DAB1: variants seen among roughly 807,000 people sequenced by gnomAD.
DAB1 encodes disabled homolog 1.
In DAB1, 15 loss-of-function variants were observed where a neutral mutation model predicts 64.6. The ratio of observed to expected loss-of-function variants is 0.23; its 90% CI spans 0.16 to 0.36. DAB1 has a LOEUF of 0.36. Among genes scored for constraint, DAB1 ranks in the 10% least tolerant of loss-of-function variants. DAB1 has a pLI of 1.00. For missense variants in DAB1, 596 were observed against 706.7 expected (o/e 0.84, Z 1.78); for synonymous variants, 235 against 251.9 (o/e 0.93, Z 0.64).
intron 9 of DAB1, among the ~76,000 whole-genome samples, chr1:57,044,557 A>T (rs1426234669): frequency 6.6e-6 from 1 of 152,190 alleles, no homozygotes; most frequent in Non-Finnish European, 1.5e-5. Context: ...GGTGCTGGAC[A>T]CCTTATCTCT....
At chr1:58,145,576 T>C (rs772312061) in intron 5 of DAB1, among the ~76,000 whole-genome samples, 15 of 152,246 alleles carry the variant, frequency 9.9e-5, no homozygotes, top group Non-Finnish European at 1.8e-4. Flanking sequence ...AATACTACAA[T>C]TATTGAAATC....
In DAB1 at chr1:57,005,433, G is replaced by A. The variant is rs548778514; in HGVS notation, c.*15+5247C>T. Among the ~76,000 whole-genome samples the A allele has an allele frequency of 1.6e-4, 25 of 152,288 alleles. No homozygotes were observed. In the South Asian group the frequency reaches 4.4e-3, roughly 27 times the overall value. ...CTCTGGGGATCCTAATGAAGTCAGC[G>A]TATTTTAGGGATTTCTGTCTTCTCC... is the stretch of plus-strand genomic sequence containing the variant. On this transcript the variant is annotated intron_variant, in intron 14 of 14. Coordinates refer to ENST00000371236, the MANE Select transcript of DAB1 (RefSeq NM_001365792.1).
intron 5 of DAB1, among the ~76,000 whole-genome samples, chr1:58,115,882 A>T (rs1652294721): frequency 7.6e-6 from 1 of 132,326 alleles, no homozygotes; most frequent in South Asian, 2.7e-4. Context: ...AGATATACCT[A>T]ATGCTAGATG....
chr1:57,763,375 T>A (rs1046008609), intron 6 of DAB1, among the ~76,000 whole-genome samples: 6 of 152,160 alleles, frequency 3.9e-5, no homozygotes, highest in Non-Finnish European at 8.8e-5. Context: ...GTTCTTGAAG[T>A]ATATTTTAAA....
At chr1:57,618,444 G>A (rs962372559) in intron 7 of DAB1, among the ~76,000 whole-genome samples, 19 of 150,394 alleles carry the variant, frequency 1.3e-4, no homozygotes, top group African/African-American at 4.6e-4. Context: ...GCAGCAGCAG[G>A]CTGACAAGTC....
intron 5 of DAB1, among the ~76,000 whole-genome samples, chr1:57,989,515 T>A (rs12083311): frequency 2.6e-5 from 4 of 152,230 alleles, no homozygotes; most frequent in Non-Finnish European, 4.4e-5. Context: ...TCCCACCCCA[T>A]GAAGATGCCC....
At chr1:58,027,749 A>T (rs1646915163) in intron 5 of DAB1, among the ~76,000 whole-genome samples, 1 of 152,216 alleles carries the variant, frequency 6.6e-6, no homozygotes, top group African/African-American at 2.4e-5. Flanking sequence ...TGCATGATGA[A>T]AAAAAGATAC....
At chr1:58,106,923 C>T (rs1200799603) in intron 5 of DAB1, among the ~76,000 whole-genome samples, 1 of 143,676 alleles carries the variant, frequency 7.0e-6, no homozygotes, top group Non-Finnish European at 1.5e-5. Flanking sequence ...CTCCTCCTTT[C>T]CTTCCTTCCT....
intron 5 of DAB1, among the ~76,000 whole-genome samples, chr1:57,934,063 T>TGGTGTGTGTG (rs1553145084): frequency 7.8e-6 from 1 of 128,052 alleles, no homozygotes; most frequent in Non-Finnish European, 1.6e-5. Context: ...GCCCAGCTAA[T>TGGTGTGTGTG]TGTGTGTGTG....
At chr1:58,501,078 G>A (rs530296762) in intron 3 of DAB1, among the ~76,000 whole-genome samples, 3 of 152,242 alleles carry the variant, frequency 2.0e-5, no homozygotes, top group Admixed American at 1.3e-4. Flanking sequence ...TGTGGAATAT[G>A]TGTTTAACTG....
chr1:57,270,850 T>A (rs994648704), intron 2 of DAB1, among the ~76,000 whole-genome samples: 4 of 152,054 alleles, frequency 2.6e-5, no homozygotes, highest in African/African-American at 9.7e-5. Context: ...CTCCTACAAG[T>A]TTAGGATTCA....
At position 57,938,003 on chromosome 1, in the gene DAB1, A is replaced by C. The variant is rs1001314477; in HGVS notation, n.388-53841T>G. On this transcript the variant is annotated intron_variant and non_coding_transcript_variant, in intron 5 of 20. Transcript: ENST00000485760. ...CTCTTGTTCAGATGCCCTCATAGTG[A>C]GGCCAGCTGACTGTGCCATGTTCAG... Among the ~76,000 whole-genome samples the C allele has an allele frequency of 1.2e-4, 19 of 152,338 alleles. 1 individual carries two copies. Among genetic ancestry groups the C allele is most frequent in the African/African-American group, 4.6e-4 (19 of 41,578 alleles).
At chr1:57,865,276 G>T (rs1049331248) in intron 1 of DAB1, among the ~76,000 whole-genome samples, 4 of 152,290 alleles carry the variant, frequency 2.6e-5, no homozygotes, top group African/African-American at 9.6e-5. Context: ...AACAAGAGAG[G>T]AGCTAGAAAA....
At chr1:57,802,001 T>C (rs968745658) in intron 6 of DAB1, among the ~76,000 whole-genome samples, 12 of 152,170 alleles carry the variant, frequency 7.9e-5, no homozygotes, top group African/African-American at 2.2e-4. Context: ...GTAGAGACTA[T>C]TGGGGTGCAC....
chr1:58,048,860 T>G (rs1647426106), intron 5 of DAB1: 2 of 984,388 alleles, frequency 2.0e-6, no homozygotes, highest in East Asian at 4.8e-5. Context: ...AAGCCCCTTT[T>G]TCTTTGCCAC....
chr1:57,607,983 G>A (rs181791730), intron 7 of DAB1, among the ~76,000 whole-genome samples: 1 of 151,946 alleles, frequency 6.6e-6, no homozygotes, highest in Admixed American at 6.6e-5. Flanking sequence ...ATGCAACATG[G>A]GGCAAAAATA....
At chr1:58,127,965 C>A (rs1482566435) in intron 5 of DAB1, among the ~76,000 whole-genome samples, 1 of 151,984 alleles carries the variant, frequency 6.6e-6, no homozygotes. Flanking sequence ...TCCATATGAA[C>A]TTTAAAGTAG....
At chr1:57,839,572 TC>T (rs1652961158) in intron 1 of DAB1, among the ~76,000 whole-genome samples, 1 of 152,246 alleles carries the variant, frequency 6.6e-6, no homozygotes, top group Non-Finnish European at 1.5e-5. Flanking sequence ...CTTCGTTTAA[TC>T]CTTTGCAGGT....
chr1:58,170,542 G>A (rs572642290), intron 4 of DAB1, among the ~76,000 whole-genome samples: 1 of 152,232 alleles, frequency 6.6e-6, no homozygotes, highest in South Asian at 2.1e-4. Context: ...AAGAGGAACA[G>A]GCACAAAAGG....
Sources: gnomAD v4.1 joint callset for allele counts (sites outside exome capture counted in the v4.1 genomes callset) on GRCh38, gnomAD v4.1.1 for gene constraint, MANE v1.5 for transcripts, NCBI Gene and HGNC (gene_info 2026-07-23, HGNC 2026-07-21) for gene names.